Variants in CNTNAP2 observed in about 807,000 individuals in gnomAD.
CNTNAP2 encodes contactin-associated protein-like 2.
In CNTNAP2, 98 loss-of-function variants were observed where a neutral mutation model predicts 155.2. The ratio of observed to expected loss-of-function variants is 0.63; its 90% CI spans 0.54 to 0.75. CNTNAP2 has a LOEUF of 0.75. Ranked by LOEUF, CNTNAP2 falls within the 30% of genes least tolerant of loss-of-function variation. CNTNAP2 has a pLI of 0.00. For missense variants in CNTNAP2, 1,727 were observed against 1,688.1 expected (o/e 1.02, Z -0.40); for synonymous variants, 651 against 631.2 (o/e 1.03, Z -0.47).
chr7:146,131,403 A>G (rs1797711325), intron 1 of CNTNAP2, among the ~76,000 whole-genome samples: 1 of 152,204 alleles, frequency 6.6e-6, no homozygotes, highest in Admixed American at 6.5e-5. Context: ...GAACACTAAT[A>G]TATTCATTAT....
At position 147,906,214 on chromosome 7, in the gene CNTNAP2, T is replaced by C. The variant is rs548874879; in HGVS notation, c.2255+2493T>C. 2.0e-5 allele frequency among the ~76,000 whole-genome samples: 3 copies of C among 152,140 alleles called. No individual in the cohort carries two copies. In the South Asian group the frequency reaches 6.2e-4, roughly 32 times the overall value. On this transcript the variant is annotated intron_variant, in intron 14 of 23. Transcript: ENST00000361727. ...GAAAACATAGATTTTTTTTTTGAGATGGGGTCTCACTCTGTCACCCAGGAT... is the reference window on the plus strand; with the variant it reads ...GAAAACATAGATTTTTTTTTTGAGACGGGGTCTCACTCTGTCACCCAGGAT...
At chr7:148,001,708 A>G (rs998510303) in intron 15 of CNTNAP2, among the ~76,000 whole-genome samples, 1 of 152,208 alleles carries the variant, frequency 6.6e-6, no homozygotes, top group African/African-American at 2.4e-5. Flanking sequence ...TTGATAACCA[A>G]TGTGTCTATG....
At chr7:147,635,198 A>ATATATATATATATATATG (rs1554415300) in intron 12 of CNTNAP2, among the ~76,000 whole-genome samples, 23 of 149,192 alleles carry the variant, frequency 1.5e-4, no homozygotes, top group Middle Eastern at 6.8e-3. Flanking sequence ...ATATATATAT[A>ATATATATATATATATATG]TATGTTTAAT....
intron 15 of CNTNAP2, among the ~76,000 whole-genome samples, chr7:148,098,603 C>G (rs1007941354): frequency 3.3e-5 from 5 of 152,032 alleles, no homozygotes; most frequent in African/African-American, 1.2e-4. Flanking sequence ...ACTCAGGAGG[C>G]TGAGCAAGGA....
chr7:147,564,997 G>A (rs1294299624), intron 12 of CNTNAP2, among the ~76,000 whole-genome samples: 1 of 152,178 alleles, frequency 6.6e-6, no homozygotes, highest in Non-Finnish European at 1.5e-5. Flanking sequence ...ATCATAAAGA[G>A]AGCATGATGC....
At chr7:147,708,157 T>C (rs1271768873) in intron 13 of CNTNAP2, among the ~76,000 whole-genome samples, 1 of 152,172 alleles carries the variant, frequency 6.6e-6, no homozygotes, top group East Asian at 1.9e-4. Context: ...TTGCTTTCAG[T>C]GGCAGCAGCT....
At chr7:147,693,242 TA>T (rs1038639231) in intron 13 of CNTNAP2, among the ~76,000 whole-genome samples, 7 of 152,102 alleles carry the variant, frequency 4.6e-5, no homozygotes, top group Non-Finnish European at 8.8e-5. Context: ...ACTGTCTTAT[TA>T]CTTTAGTTTT....
chr7:146,307,100 A>G (rs1800727102), intron 1 of CNTNAP2, among the ~76,000 whole-genome samples: 2 of 152,166 alleles, frequency 1.3e-5, no homozygotes, highest in South Asian at 4.1e-4. Context: ...TCAGCCCAAA[A>G]TCTCCTTAAG....
chr7:147,822,136 G>A (rs1218519928), intron 13 of CNTNAP2, among the ~76,000 whole-genome samples: 1 of 152,102 alleles, frequency 6.6e-6, no homozygotes. Context: ...GGAGTCGTGG[G>A]TAGAGAAGAT....
intron 9 of CNTNAP2, among the ~76,000 whole-genome samples, chr7:147,389,943 C>A (rs1051879922): frequency 6.6e-6 from 1 of 152,136 alleles, no homozygotes; most frequent in Non-Finnish European, 1.5e-5. Context: ...TTCTGACCCT[C>A]AAAATGCCAG....
At chr7:147,275,145 C>A (rs1804867303) in intron 8 of CNTNAP2, among the ~76,000 whole-genome samples, 1 of 151,788 alleles carries the variant, frequency 6.6e-6, no homozygotes, top group Non-Finnish European at 1.5e-5. Flanking sequence ...TCTTCGAGCT[C>A]TTTTTTGGTT....
chr7:147,643,660 A>C (rs1795321819), intron 13 of CNTNAP2, among the ~76,000 whole-genome samples: 1 of 152,208 alleles, frequency 6.6e-6, no homozygotes, highest in Non-Finnish European at 1.5e-5. Context: ...CATCTGTTCA[A>C]ATACAAAGTA....
At chr7:146,954,729 T>C (rs1797398056) in intron 3 of CNTNAP2, among the ~76,000 whole-genome samples, 1 of 151,922 alleles carries the variant, frequency 6.6e-6, no homozygotes, top group South Asian at 2.1e-4. Context: ...AATTTCTCTA[T>C]TTAAATGTTA....
chr7:146,206,691 C>A (rs1724259012), intron 1 of CNTNAP2, among the ~76,000 whole-genome samples: 1 of 151,884 alleles, frequency 6.6e-6, no homozygotes, highest in South Asian at 2.1e-4. Flanking sequence ...TGATGAAATG[C>A]ATAAAAACAT....
intron 21 of CNTNAP2, among the ~76,000 whole-genome samples, chr7:148,277,942 C>A (rs941323748): frequency 3.3e-5 from 5 of 152,028 alleles, no homozygotes; most frequent in African/African-American, 4.8e-5. Flanking sequence ...TTCTCTTGTA[C>A]ACCTCTCGTC....
chr7:146,235,830 C>T (rs1799463934), intron 1 of CNTNAP2, among the ~76,000 whole-genome samples: 1 of 152,060 alleles, frequency 6.6e-6, no homozygotes, highest in Admixed American at 6.6e-5. Flanking sequence ...TCCCGTCTGC[C>T]TTTTTGCCTT....
At chr7:147,524,445 C>T (rs933886551) in intron 11 of CNTNAP2, among the ~76,000 whole-genome samples, 2 of 152,088 alleles carry the variant, frequency 1.3e-5, no homozygotes, top group African/African-American at 4.8e-5. Flanking sequence ...GTGCTAGGTC[C>T]CCAACATTCA....
intron 20 of CNTNAP2, among the ~76,000 whole-genome samples, chr7:148,244,772 AG>A (rs1796225099): frequency 6.6e-6 from 1 of 151,972 alleles, no homozygotes; most frequent in Non-Finnish European, 1.5e-5. Flanking sequence ...CATGTTGCCT[AG>A]GCTGGTCTCA....
intron 13 of CNTNAP2, among the ~76,000 whole-genome samples, chr7:147,741,243 G>A (rs973674073): frequency 6.6e-6 from 1 of 152,190 alleles, no homozygotes; most frequent in Non-Finnish European, 1.5e-5. Flanking sequence ...CTATTCTTCA[G>A]GTCCAGATAA....
Sources: allele counts gnomAD v4.1 joint callset (sites outside exome capture counted in the v4.1 genomes callset), GRCh38; gene constraint gnomAD v4.1.1; transcripts MANE v1.5; gene names NCBI Gene and HGNC (gene_info 2026-07-23, HGNC 2026-07-21).